Variants in GLIS3 observed in about 807,000 individuals in gnomAD.
GLIS3 encodes GLIS family zinc finger 3.
In GLIS3, 53 loss-of-function variants were observed where a neutral mutation model predicts 78.6. The observed-to-expected ratio is 0.67, with a 90% CI of 0.54 to 0.85. GLIS3 has a LOEUF of 0.85. GLIS3 is among the 40% of genes least tolerant of loss of function. GLIS3 has a pLI of 0.00. For missense variants in GLIS3, 1,703 were observed against 1,231.1 expected (o/e 1.38, Z -5.74); for synonymous variants, 684 against 509.9 (o/e 1.34, Z -4.60).
chr9:3,981,074 G>A (rs1430545877), intron 4 of GLIS3, among the ~76,000 whole-genome samples: 2 of 152,132 alleles, frequency 1.3e-5, no homozygotes, highest in African/African-American at 4.8e-5. Context: ...CTGAGAGGAG[G>A]GGGTCAGCAG....
intron 7 of GLIS3, among the ~76,000 whole-genome samples, chr9:3,880,530 G>A (rs1821654201): frequency 1.3e-5 from 2 of 152,084 alleles, no homozygotes; most frequent in South Asian, 4.2e-4. Context: ...GTTATGCTGA[G>A]CTCCATACCC....
At chr9:4,010,452 C>T (rs1487068110) in intron 4 of GLIS3, among the ~76,000 whole-genome samples, 1 of 152,176 alleles carries the variant, frequency 6.6e-6, no homozygotes, top group African/African-American at 2.4e-5. Flanking sequence ...CTCCATATCT[C>T]CAAGTCCCTT....
intron 4 of GLIS3, among the ~76,000 whole-genome samples, chr9:4,050,968 T>C (rs1019906123): frequency 7.2e-5 from 11 of 152,058 alleles, no homozygotes; most frequent in African/African-American, 2.7e-4. Context: ...AAGATTTATT[T>C]TTCCTCCTGT....
chr9:4,398,758 G>A, the GLIS3 span, among the ~76,000 whole-genome samples: 10 of 152,232 alleles, frequency 6.6e-5, no homozygotes, highest in East Asian at 7.7e-4. Flanking sequence ...CACGATCTTG[G>A]CTCACTGCAA....
intron 2 of GLIS3, among the ~76,000 whole-genome samples, chr9:4,170,625 G>C (rs182712936): frequency 1.3e-5 from 2 of 152,164 alleles, no homozygotes; most frequent in African/African-American, 4.8e-5. Context: ...ACACTGTTCT[G>C]ACCCTAAAAC....
At chr9:4,197,679 G>C (rs1195350220) in intron 2 of GLIS3, among the ~76,000 whole-genome samples, 1 of 152,192 alleles carries the variant, frequency 6.6e-6, no homozygotes, top group African/African-American at 2.4e-5. Flanking sequence ...AGGGAGCTCA[G>C]ACCACTATGT....
the GLIS3 span, among the ~76,000 whole-genome samples, chr9:4,453,814 C>T: frequency 6.6e-6 from 1 of 151,528 alleles, no homozygotes; most frequent in Non-Finnish European, 1.5e-5. Flanking sequence ...CACTTGGACA[C>T]AGGGTGGGGA....
chr9:4,128,568 A>G (rs562190719), intron 2 of GLIS3, among the ~76,000 whole-genome samples: 2 of 152,244 alleles, frequency 1.3e-5, no homozygotes, highest in Non-Finnish European at 2.9e-5. Context: ...TCTCCTGGTC[A>G]TCTTTGTTGA....
intron 4 of GLIS3, among the ~76,000 whole-genome samples, chr9:4,023,738 G>A (rs1182415136): frequency 6.6e-6 from 1 of 152,168 alleles, no homozygotes; most frequent in Non-Finnish European, 1.5e-5. Context: ...GCAGCTCTAG[G>A]TTTGCTCCCA....
At chr9:4,203,842 G>C (rs1484087952) in intron 2 of GLIS3, among the ~76,000 whole-genome samples, 1 of 152,170 alleles carries the variant, frequency 6.6e-6, no homozygotes, top group Non-Finnish European at 1.5e-5. Context: ...TATCCTAAGT[G>C]AATTAACACA....
intron 2 of GLIS3, among the ~76,000 whole-genome samples, chr9:4,165,604 A>G (rs1835819624): frequency 6.6e-6 from 1 of 152,270 alleles, no homozygotes; most frequent in Non-Finnish European, 1.5e-5. Flanking sequence ...CAGCAGAATC[A>G]GGAAGGCTTC....
chr9:4,076,413 C>G (rs768519948), intron 4 of GLIS3, among the ~76,000 whole-genome samples: 7 of 152,178 alleles, frequency 4.6e-5, no homozygotes, highest in Admixed American at 2.6e-4. Flanking sequence ...GTGTTATCTC[C>G]TATGACCGAT....
chr9:3,984,518 A>T (rs1819569784), intron 4 of GLIS3, among the ~76,000 whole-genome samples: 1 of 152,066 alleles, frequency 6.6e-6, no homozygotes, highest in Non-Finnish European at 1.5e-5. Flanking sequence ...CAATGCCTGT[A>T]CCCCCATCAT....
intron 4 of GLIS3, among the ~76,000 whole-genome samples, chr9:4,044,558 G>T (rs1465787504): frequency 6.6e-6 from 1 of 152,102 alleles, no homozygotes; most frequent in African/African-American, 2.4e-5. Context: ...CTTATCCTAT[G>T]TGGGAAAGAG....
At chr9:4,225,953 G>C (rs1821733372) in intron 2 of GLIS3, among the ~76,000 whole-genome samples, 1 of 152,158 alleles carries the variant, frequency 6.6e-6, no homozygotes, top group Non-Finnish European at 1.5e-5. Flanking sequence ...ACACTTATTA[G>C]CGCCACCTAC....
chr9:4,023,703 A>G (rs1353910818), intron 4 of GLIS3, among the ~76,000 whole-genome samples: 1 of 152,206 alleles, frequency 6.6e-6, no homozygotes, highest in African/African-American at 2.4e-5. Flanking sequence ...TCATCCCACA[A>G]GAGGTCAGAG....
chr9:4,471,620 G>A, the GLIS3 span, among the ~76,000 whole-genome samples: 1 of 152,162 alleles, frequency 6.6e-6, no homozygotes, highest in Non-Finnish European at 1.5e-5. Flanking sequence ...ATGGATTAAA[G>A]ACTTTTAAGT....
intron 8 of GLIS3, among the ~76,000 whole-genome samples, chr9:3,869,831 A>G (rs2130376094): frequency 6.6e-6 from 1 of 152,330 alleles, no homozygotes; most frequent in Middle Eastern, 3.4e-3. Flanking sequence ...GCATGGAGAC[A>G]TCTGGTAAAT....
intron 2 of GLIS3, among the ~76,000 whole-genome samples, chr9:4,335,185 G>A (rs1178040418): frequency 1.3e-5 from 2 of 152,130 alleles, no homozygotes; most frequent in African/African-American, 4.8e-5. Context: ...TGGGATTACA[G>A]GCATGAGCCA....
Sources: gnomAD v4.1 joint callset for allele counts (sites outside exome capture counted in the v4.1 genomes callset) on GRCh38, gnomAD v4.1.1 for gene constraint, MANE v1.5 for transcripts, NCBI Gene and HGNC (gene_info 2026-07-23, HGNC 2026-07-21) for gene names.